The following DIP2C variants were observed in gnomAD, a reference collection of about 807,000 sequenced individuals.
DIP2C encodes the protein DIP2 acetate--CoA ligase C (putative).
DIP2C carries 33 observed loss-of-function variants against 192.4 expected under a neutral mutation model. The ratio of observed to expected loss-of-function variants is 0.17; its 90% CI spans 0.13 to 0.23. The LOEUF (loss-of-function observed/expected upper bound fraction) is 0.23, where lower values mean the gene tolerates loss of function less well. DIP2C is among the 10% of genes least tolerant of loss of function. DIP2C has a pLI of 1.00. For missense variants in DIP2C, 1,537 were observed against 2,110.1 expected, an observed-to-expected ratio of 0.73 and a Z score of 5.32; for synonymous variants, 979 against 864.1, an observed-to-expected ratio of 1.13 and a Z score of -2.33.
chr10:552,269 T>A (rs577289828), intron 1 of DIP2C, among the ~76,000 whole-genome samples: 1 of 152,332 alleles, frequency 6.6e-6, no homozygotes, highest in South Asian at 2.1e-4. Flanking sequence ...TAATCTATCA[T>A]ATCAAGATAC....
intron 2 of DIP2C, among the ~76,000 whole-genome samples, chr10:482,203 G>A (rs902549728): frequency 4.6e-5 from 7 of 152,188 alleles, no homozygotes; most frequent in Non-Finnish European, 8.8e-5. Flanking sequence ...AGGGACAGCG[G>A]CGTGGCCATC....
chr10:340,865 C>G (rs1356433267), intron 29 of DIP2C: 2 of 468,954 alleles, frequency 4.3e-6, no homozygotes, highest in Non-Finnish European at 8.5e-6. Context: ...GCTGGCCCAG[C>G]GAGAACCCAG....
At chr10:607,694 A>C (rs1852597089) in intron 1 of DIP2C, among the ~76,000 whole-genome samples, 1 of 152,202 alleles carries the variant, frequency 6.6e-6, no homozygotes, top group Non-Finnish European at 1.5e-5. Context: ...TCACGCCATA[A>C]GGTTGAAAAA....
intron 1 of DIP2C, among the ~76,000 whole-genome samples, chr10:545,136 G>T (rs1490885964): frequency 6.8e-6 from 1 of 147,372 alleles, no homozygotes; most frequent in African/African-American, 2.5e-5. Flanking sequence ...CTTAAGAGTA[G>T]GCCCTGATCC....
rs571463131 is a variant in DIP2C at position 417,773 on chromosome 10, C to T, written c.739+1292G>A. Reference sequence around the variant, plus strand: ...GGATAGGCATCCCTGTCCACCTGCACCTGTCAGGGCTCGGATAGGCCTCCC... The same window carrying T: ...GGATAGGCATCCCTGTCCACCTGCATCTGTCAGGGCTCGGATAGGCCTCCC... On this transcript the variant is annotated intron_variant, in intron 6 of 36. Transcript: ENST00000280886. 5.6e-5 allele frequency among the ~76,000 whole-genome samples: 7 copies of T among 125,566 alleles called. 2 individuals carry two copies. The highest frequency in any genetic ancestry group is 2.4e-4 in the African/African-American group (7 of 29,156). 82.4% of individuals were successfully genotyped at this position (125,566 alleles called of 152,430 possible). A position where few individuals can be genotyped will look rare whatever the true frequency, so the allele number is the denominator to read the frequency against.
intron 2 of DIP2C, among the ~76,000 whole-genome samples, chr10:477,884 G>A (rs1362189432): frequency 7.8e-6 from 1 of 127,422 alleles, no homozygotes; most frequent in East Asian, 2.3e-4. Context: ...GAAAACGAGA[G>A]AGAAGAAAAG....
At chr10:372,696 C>T (rs1379737597) in intron 17 of DIP2C, among the ~76,000 whole-genome samples, 4 of 151,836 alleles carry the variant, frequency 2.6e-5, no homozygotes, top group African/African-American at 9.7e-5. Context: ...TCCCGACACA[C>T]AGCCAGGCAC....
At chr10:515,491 A>C (rs1198533959) in intron 1 of DIP2C, among the ~76,000 whole-genome samples, 2 of 152,098 alleles carry the variant, frequency 1.3e-5, no homozygotes. Context: ...GGGAGGCCAA[A>C]GTGGGCCAAT....
chr10:383,758 C>T (rs751439261), intron 16 of DIP2C, among the ~76,000 whole-genome samples: 65 of 152,248 alleles, frequency 4.3e-4, no homozygotes, highest in Non-Finnish European at 7.5e-4. Context: ...AGAATCAAGA[C>T]ATCCTCTGAA....
At chr10:388,348 G>A (rs1253450859) in intron 13 of DIP2C, among the ~76,000 whole-genome samples, 2 of 152,206 alleles carry the variant, frequency 1.3e-5, no homozygotes, top group Non-Finnish European at 2.9e-5. Context: ...AAAAGCTCGT[G>A]CTTGATGAGG....
chr10:348,774 G>A lies in DIP2C; in HGVS notation c.3110-12C>T, dbSNP rs4880610. 1,605,455 of 1,612,102 alleles carry A rather than the reference G, an allele frequency of 1. 799,602 individuals carry two copies. The highest frequency in any genetic ancestry group is 1 in the East Asian group (44,721 of 44,722). On this transcript the variant is annotated splice_polypyrimidine_tract_variant and intron_variant, in intron 25 of 36. Coordinates refer to ENST00000280886, the MANE Select transcript of DIP2C (RefSeq NM_014974.3). Reference sequence around the variant, plus strand: ...TATCAGGTCTATTCCTACACAAGGAGAGAAACATCATCATTGAAGCAGACC... The same window carrying A: ...TATCAGGTCTATTCCTACACAAGGAAAGAAACATCATCATTGAAGCAGACC...
Position 586,704 on chromosome 10 carries a change from A to G in DIP2C, c.86-100174T>C, listed in dbSNP as rs143954063. Among the ~76,000 whole-genome samples the G allele has an allele frequency of 1.5e-3, 225 of 152,316 alleles. 2 individuals are homozygous for G. The highest frequency in any genetic ancestry group is 5.1e-3 in the African/African-American group (211 of 41,580). On this transcript the variant is annotated intron_variant, in intron 1 of 36. Transcript: ENST00000280886. ...CATCTCAAGAGCCCCAATGACCACA[A>G]TGAAAATGTTTTTACCTCCCTTTAG...
At chr10:390,431 T>C in intron 11 of DIP2C, 58 bp from the exon 12 acceptor site, 1 of 1,507,916 alleles carries the variant, frequency 6.6e-7, no homozygotes, top group Non-Finnish European at 9.2e-7. Context: ...GTCTGTAGAA[T>C]TTCTCCCCAT....
rs1298893183 is a variant in DIP2C at position 651,057 on chromosome 10, G to A, written c.85+38437C>T. Reference sequence around the variant, plus strand: ...GAAGCCCCTTTCCATCCTAGCCCCTGCCACCCCTCCTGCTCTTGTCTCTCC... The same window carrying A: ...GAAGCCCCTTTCCATCCTAGCCCCTACCACCCCTCCTGCTCTTGTCTCTCC... On this transcript the variant is annotated intron_variant, in intron 1 of 36. Transcript: ENST00000280886. This position sits in a 1 kb window ranked among gnomAD's most constrained non-coding sequence, Gnocchi z 4.1. 5 of 717,204 alleles carry A rather than the reference G, an allele frequency of 7.0e-6. No individual in the cohort carries two copies. In the Admixed American group the frequency reaches 1.0e-4, roughly 14 times the overall value. 44.4% of individuals were successfully genotyped at this position (717,204 alleles called of 1,614,324 possible).
chr10:528,334 C>G (rs1423009494), intron 1 of DIP2C, among the ~76,000 whole-genome samples: 1 of 151,844 alleles, frequency 6.6e-6, no homozygotes, highest in Non-Finnish European at 1.5e-5. Context: ...CACAGCTCCC[C>G]CAGAAAGCAG....
rs557960289 is a variant in DIP2C at position 610,365 on chromosome 10, A to G, written c.85+79129T>C. On this transcript the variant is annotated intron_variant, in intron 1 of 36. Transcript: ENST00000280886. ...AAACACACAGCCTGACAGGAGCACAAGATCTACTATTGATAAACCAGCAGG... is the reference window on the plus strand; with the variant it reads ...AAACACACAGCCTGACAGGAGCACAGGATCTACTATTGATAAACCAGCAGG... Among the ~76,000 whole-genome samples the G allele has an allele frequency of 1.1e-3, 172 of 152,342 alleles. 3 individuals carry two copies. The highest frequency in any genetic ancestry group is 6.6e-4 in the Non-Finnish European group (45 of 68,036).
chr10:395,764 C>T (rs943295989), intron 10 of DIP2C, among the ~76,000 whole-genome samples: 4 of 152,188 alleles, frequency 2.6e-5, no homozygotes, highest in African/African-American at 9.7e-5. Context: ...GAGGGCCCCT[C>T]CCTATGTCCT....
chr10:447,961 A>G (rs1338225204), intron 3 of DIP2C, among the ~76,000 whole-genome samples: 4 of 112,398 alleles, frequency 3.6e-5, no homozygotes, highest in South Asian at 3.0e-4. Flanking sequence ...AGCAGGACCC[A>G]ATCACCCCCG....
At chr10:359,114 G>T (rs1361205275) in intron 22 of DIP2C, among the ~76,000 whole-genome samples, 1 of 152,118 alleles carries the variant, frequency 6.6e-6, no homozygotes, top group Non-Finnish European at 1.5e-5. Context: ...GCAGCTGACG[G>T]GGCAGTGGCA....
Sources: gnomAD v4.1 joint callset for allele counts (sites outside exome capture counted in the v4.1 genomes callset) on GRCh38, gnomAD v4.1.1 for gene constraint, Gnocchi (gnomAD v3.1) non-coding constraint, MANE v1.5 for transcripts, NCBI Gene and HGNC (gene_info 2026-07-23, HGNC 2026-07-21) for gene names.